Variants in TAFA4 observed in about 807,000 individuals in gnomAD.
The protein encoded by TAFA4 is chemokine-like protein TAFA-4.
TAFA4 carries 20 observed loss-of-function variants against 21.1 expected under a neutral mutation model. The ratio of observed to expected loss-of-function variants is 0.95; its 90% CI spans 0.67 to 1.38. The LOEUF (loss-of-function observed/expected upper bound fraction) is 1.38, where lower values mean the gene tolerates loss of function less well. Ranked by LOEUF, TAFA4 falls within the 40% of genes most tolerant of loss-of-function variation. The probability of loss-of-function intolerance (pLI) is 0.00; values close to 1 mark genes in which losing one functional copy is unlikely to be tolerated. For missense variants in TAFA4, 211 were observed against 180.9 expected (o/e 1.17, Z -0.95); for synonymous variants, 71 against 67.4 (o/e 1.05, Z -0.26).
chr3:68,813,093 T>G (rs886509403), intron 3 of TAFA4, among the ~76,000 whole-genome samples: 4 of 151,854 alleles, frequency 2.6e-5, no homozygotes, highest in African/African-American at 9.7e-5. Flanking sequence ...CATAACGAAA[T>G]GAAGGCAGAA....
chr3:68,880,745 G>C lies in TAFA4; in HGVS notation c.115C>G (p.Leu39Val), dbSNP rs1165452364. The change falls in exon 3 of 6, where the codon CTC (leucine) becomes GTC (valine). Residue 39 changes from leucine (L) to valine (V), a missense_variant. Physicochemically the swap from Leu to Val is conservative, Grantham distance 32 (BLOSUM62 1). Coordinates refer to ENST00000295569, the MANE Select transcript of TAFA4 (RefSeq NM_182522.5). ...CKLMSASSQH[L>V]RGHAGHHQIK... ...AAGGGCTTACCTGCATGTCCCCGGA[G>C]GTGCTGGCTTGAGGCGGACATCAGC... The C allele has an allele frequency of 1.9e-6, 3 of 1,613,966 alleles. No homozygotes were observed. The Admixed American group carries it at 5.0e-5, about 27-fold the overall frequency.
At chr3:68,734,773 T>C (rs1294574581) in intron 5 of TAFA4, among the ~76,000 whole-genome samples, 2 of 152,112 alleles carry the variant, frequency 1.3e-5, no homozygotes, top group Non-Finnish European at 2.9e-5. Flanking sequence ...GTGACTTGAA[T>C]GACACAGCCC....
chr3:68,906,138 T>C (rs528679448), intron 1 of TAFA4, among the ~76,000 whole-genome samples: 6 of 152,278 alleles, frequency 3.9e-5, no homozygotes, highest in African/African-American at 1.4e-4. Context: ...GATGTGGAAG[T>C]AGGATGTGGA....
At chr3:68,842,786 T>C (rs1704693889) in intron 3 of TAFA4, among the ~76,000 whole-genome samples, 1 of 152,216 alleles carries the variant, frequency 6.6e-6, no homozygotes, top group South Asian at 2.1e-4. Context: ...CCCAACACCA[T>C]TTATTAAATA....
intron 3 of TAFA4, among the ~76,000 whole-genome samples, chr3:68,777,587 G>C (rs1279561985): frequency 6.6e-6 from 1 of 151,824 alleles, no homozygotes; most frequent in Non-Finnish European, 1.5e-5. Context: ...ACAATTAGGA[G>C]GTATAGATAA....
chr3:68,733,675 T>C (rs948328370), intron 5 of TAFA4, among the ~76,000 whole-genome samples: 3 of 152,180 alleles, frequency 2.0e-5, no homozygotes, highest in Admixed American at 1.3e-4. Context: ...TCTAAGAAAA[T>C]TGAACAGCAG....
chr3:68,769,627 C>T, intron 3 of TAFA4, among the ~76,000 whole-genome samples: 1 of 152,082 alleles, frequency 6.6e-6, no homozygotes, highest in Non-Finnish European at 1.5e-5. Context: ...GCTACCATAC[C>T]CAGATTTGAT....
intron 1 of TAFA4, among the ~76,000 whole-genome samples, chr3:68,919,764 T>C (rs2090040566): frequency 6.6e-6 from 1 of 152,190 alleles, no homozygotes; most frequent in South Asian, 2.1e-4. Context: ...TACTTACAGA[T>C]TTTATTGATA....
At chr3:68,917,989 A>G (rs1458176490) in intron 1 of TAFA4, among the ~76,000 whole-genome samples, 1 of 152,186 alleles carries the variant, frequency 6.6e-6, no homozygotes, top group Non-Finnish European at 1.5e-5. Flanking sequence ...ATTTTCACAT[A>G]GTCATCAATT....
chr3:68,818,408 C>T (rs1335287795), intron 3 of TAFA4, among the ~76,000 whole-genome samples: 4 of 152,220 alleles, frequency 2.6e-5, no homozygotes, highest in Non-Finnish European at 4.4e-5. Flanking sequence ...CATGTGTTCA[C>T]TGGTATGGCA....
At chr3:68,738,257 T>G (rs769958180) in intron 5 of TAFA4, among the ~76,000 whole-genome samples, 2 of 152,140 alleles carry the variant, frequency 1.3e-5, no homozygotes, top group Non-Finnish European at 2.9e-5. Context: ...CCAGGATGTT[T>G]AGAGCAGCAA....
intron 5 of TAFA4, among the ~76,000 whole-genome samples, chr3:68,738,567 A>C (rs956941457): frequency 6.6e-6 from 1 of 152,180 alleles, no homozygotes; most frequent in African/African-American, 2.4e-5. Flanking sequence ...TGAACATAGG[A>C]AGAAGGTAGG....
chr3:68,929,520 C>T (rs779719289), intron 1 of TAFA4, among the ~76,000 whole-genome samples: 6 of 152,196 alleles, frequency 3.9e-5, no homozygotes, highest in Admixed American at 3.3e-4. Context: ...ATAGCCAACA[C>T]CTGAAGAAAT....
chr3:68,765,467 C>A (rs1702834959), intron 3 of TAFA4, among the ~76,000 whole-genome samples: 1 of 152,124 alleles, frequency 6.6e-6, no homozygotes, highest in Admixed American at 6.5e-5. Flanking sequence ...AACTCTCTTA[C>A]AAATGCTATT....
chr3:68,874,537 T>A (rs919540260), intron 3 of TAFA4, among the ~76,000 whole-genome samples: 1 of 152,136 alleles, frequency 6.6e-6, no homozygotes, highest in African/African-American at 2.4e-5. Flanking sequence ...AAACCCCAAA[T>A]TGTAGGCTTT....
chr3:68,789,634 A>G (rs944480956), intron 3 of TAFA4, among the ~76,000 whole-genome samples: 4 of 152,110 alleles, frequency 2.6e-5, no homozygotes, highest in African/African-American at 9.7e-5. Flanking sequence ...ATGACATGTT[A>G]TGCTTTATTT....
chr3:68,798,804 CAACT>C lies in TAFA4; in HGVS notation c.131-45790_131-45787del, dbSNP rs1461826197. ...AAAACTACATACAAGATAAAACCAT[CAACT>C]AACTTTTTTAAGAGAAGCAGAACTA... On this transcript the variant is annotated intron_variant, in intron 3 of 5. Transcript: ENST00000295569. 1.2e-4 allele frequency among the ~76,000 whole-genome samples: 18 copies of C among 152,080 alleles called. No homozygotes were observed. In the South Asian group the frequency reaches 3.7e-3, roughly 32 times the overall value.
At chr3:68,906,454 AC>A (rs1367461141) in intron 1 of TAFA4, among the ~76,000 whole-genome samples, 1 of 152,214 alleles carries the variant, frequency 6.6e-6, no homozygotes, top group Admixed American at 6.5e-5. Context: ...AAACTTGTTT[AC>A]ATTAGTTCAT....
chr3:68,887,027 G>C (rs1213156588), intron 1 of TAFA4, among the ~76,000 whole-genome samples: 1 of 152,092 alleles, frequency 6.6e-6, no homozygotes, highest in African/African-American at 2.4e-5. Flanking sequence ...CCAGTGTCCA[G>C]AGTTCCATCT....
Sources: gnomAD v4.1 joint callset for allele counts (sites outside exome capture counted in the v4.1 genomes callset) on GRCh38, gnomAD v4.1.1 for gene constraint, MANE v1.5 for transcripts, NCBI Gene and HGNC (gene_info 2026-07-23, HGNC 2026-07-21) for gene names.